DNAH6: variants seen among roughly 807,000 people sequenced by gnomAD.
DNAH6 encodes dynein axonemal heavy chain 6, also known as axonemal beta dynein heavy chain 6.
A neutral mutation model predicts 491.4 loss-of-function variants in DNAH6; 340 were observed. That is an observed-to-expected ratio of 0.69 (90% CI 0.63 to 0.76). DNAH6 has a LOEUF of 0.76. Among genes scored for constraint, DNAH6 ranks in the 30% least tolerant of loss-of-function variants. The pLI is 0.00. For synonymous variants in DNAH6, 1,603 were observed against 1,686.1 expected, an observed-to-expected ratio of 0.95 and a Z score of 1.21; for missense variants, 4,443 against 4,972.2, an observed-to-expected ratio of 0.89 and a Z score of 3.20.
chr2:84,479,069 C>T, the DNAH6 span, among the ~76,000 whole-genome samples: 10 of 152,172 alleles, frequency 6.6e-5, no homozygotes, highest in African/African-American at 9.7e-5. Context: ...TCTGATGCTA[C>T]GCCATCAAGC....
rs535075286 is a variant in DNAH6 at position 84,640,678 on chromosome 2, A to G, written c.4970+100A>G. 5 of 1,165,506 alleles carry G rather than the reference A, an allele frequency of 4.3e-6. No homozygotes were observed. The African/African-American group carries it at 6.2e-5, about 15-fold the overall frequency. The allele number at this position is 1,165,506 out of a possible 1,614,324, so 72.2% of individuals were successfully genotyped here. On this transcript the variant is annotated intron_variant, in intron 32 of 76. Coordinates refer to ENST00000389394, the MANE Select transcript of DNAH6 (RefSeq NM_001370.2). ...GGCTCTCAGAGAGTAACTGATTAAT[A>G]AATGTTGGCTGCTGCTGTTGTCATC...
intron 63 of DNAH6, among the ~76,000 whole-genome samples, chr2:84,754,489 A>G (rs563972978): frequency 6.6e-6 from 1 of 152,306 alleles, no homozygotes; most frequent in East Asian, 1.9e-4. Context: ...CCCCAACTTC[A>G]TTCTTTTGCA....
At chr2:84,538,823 T>C (rs982548029) in intron 4 of DNAH6, among the ~76,000 whole-genome samples, 1 of 152,112 alleles carries the variant, frequency 6.6e-6, no homozygotes. Context: ...TTAAAAGTAC[T>C]TTTTAGGCAG....
At position 84,800,127 on chromosome 2, in the gene DNAH6, C is replaced by T. The variant is rs532981025; in HGVS notation, c.11481+2469C>T. ...CCTGTCAAACACACTGCACAAACCT[C>T]TATGTAACCAAAGAACCCATATAGA... is the stretch of plus-strand genomic sequence containing the variant. On this transcript the variant is annotated intron_variant, in intron 70 of 76. Transcript: ENST00000389394. Among the ~76,000 whole-genome samples the T allele has an allele frequency of 3.3e-5, 5 of 152,302 alleles. No homozygotes were observed. In the South Asian group the frequency reaches 1.0e-3, roughly 32 times the overall value.
chr2:84,605,034 CAAG>C (rs1363881371), intron 19 of DNAH6, among the ~76,000 whole-genome samples: 1 of 152,016 alleles, frequency 6.6e-6, no homozygotes, highest in Non-Finnish European at 1.5e-5. Context: ...GTCATCTATC[CAAG>C]AAGAAGATTT....
chr2:84,698,402 A>G (rs1695586808), intron 47 of DNAH6, among the ~76,000 whole-genome samples: 1 of 152,230 alleles, frequency 6.6e-6, no homozygotes, highest in South Asian at 2.1e-4. Flanking sequence ...GGAAGGGCCA[A>G]AGAAAGAAAT....
At chr2:84,673,573 A>G (rs189249505) in intron 40 of DNAH6, among the ~76,000 whole-genome samples, 11 of 152,342 alleles carry the variant, frequency 7.2e-5, no homozygotes, top group Admixed American at 1.3e-4. Context: ...ATTAAGTATT[A>G]ACTCACATGA....
At chr2:84,816,542 A>T (rs372521575) in intron 76 of DNAH6, among the ~76,000 whole-genome samples, 2 of 152,242 alleles carry the variant, frequency 1.3e-5, no homozygotes, top group South Asian at 4.1e-4. Flanking sequence ...TGACCAACAT[A>T]GTGAAACCCT....
chr2:84,557,124 C>T lies in DNAH6; in HGVS notation c.1603-611C>T, dbSNP rs74398986. Among the ~76,000 whole-genome samples, 1,031 of 152,228 alleles carry T rather than the reference C, an allele frequency of 6.8e-3. 14 individuals are homozygous for T. The highest frequency in any genetic ancestry group is 0.023 in the African/African-American group (956 of 41,538). On this transcript the variant is annotated intron_variant, in intron 10 of 76. Coordinates refer to ENST00000389394, the MANE Select transcript of DNAH6 (RefSeq NM_001370.2). ...TTTGAACCCTCCCTTTAAATTTTCC[C>T]ATAGACTTCCTTGGCTTTCCTTCCA...
the DNAH6 span, among the ~76,000 whole-genome samples, chr2:84,484,156 T>C: frequency 6.6e-6 from 1 of 152,156 alleles, no homozygotes; most frequent in African/African-American, 2.4e-5. Context: ...TCTATTCCTG[T>C]CAGCGTGTCT....
intron 10 of DNAH6, among the ~76,000 whole-genome samples, chr2:84,553,366 TTTC>T (rs1342917342): frequency 2.1e-4 from 2 of 9,410 alleles, no homozygotes; most frequent in African/African-American, 7.9e-4. Context: ...TTTCTTTTCT[TTTC>T]TTTCTTTCTT....
At chr2:84,631,183 C>T (rs1688364619) in intron 29 of DNAH6, among the ~76,000 whole-genome samples, 2 of 152,148 alleles carry the variant, frequency 1.3e-5, no homozygotes, top group Non-Finnish European at 2.9e-5. Flanking sequence ...CAGACCAGGT[C>T]ACGATGCATC....
chr2:84,503,607 T>G, the DNAH6 span, among the ~76,000 whole-genome samples: 2 of 152,140 alleles, frequency 1.3e-5, no homozygotes, highest in African/African-American at 4.8e-5. Context: ...CGGCTTTCAT[T>G]TTTTTAGGAA....
At chr2:84,671,979 T>C (rs1278948966) in intron 39 of DNAH6, among the ~76,000 whole-genome samples, 1 of 152,218 alleles carries the variant, frequency 6.6e-6, no homozygotes, top group Non-Finnish European at 1.5e-5. Flanking sequence ...GGAAAGAAAA[T>C]GATGTTCCTC....
At chr2:84,593,750 A>G (rs1216687556) in intron 16 of DNAH6, among the ~76,000 whole-genome samples, 3 of 151,886 alleles carry the variant, frequency 2.0e-5, no homozygotes, top group Non-Finnish European at 4.4e-5. Context: ...AGGAAATACC[A>G]GGAGTTGTAT....
At chr2:84,552,859 A>C in intron 9 of DNAH6, 59 bp from the exon 10 acceptor site, 1 of 946,292 alleles carries the variant, frequency 1.1e-6, no homozygotes, top group Non-Finnish European at 1.6e-6. Flanking sequence ...TTGTTTTTTT[A>C]TTTTGTTTTA....
At chr2:84,630,034 A>G (rs981260331) in intron 29 of DNAH6, among the ~76,000 whole-genome samples, 1 of 152,224 alleles carries the variant, frequency 6.6e-6, no homozygotes, top group African/African-American at 2.4e-5. Context: ...ATTACCTTAG[A>G]GGTTTCCAGG....
Position 84,813,012 on chromosome 2 carries a change from T to C in DNAH6, c.11926-46T>C, listed in dbSNP as rs1191678851. ...ATAGGACTTTGCTTTAGAAAACAAA[T>C]TCCATCCCAGAAATAACGTTTATTA... On this transcript the variant is annotated intron_variant, in intron 73 of 76. Transcript: ENST00000389394. The C allele has an allele frequency of 4.7e-6, 7 of 1,495,500 alleles. No homozygotes were observed. The East Asian group carries it at 7.4e-5, about 16-fold the overall frequency. The allele number at this position is 1,495,500 out of a possible 1,614,324, so 92.6% of individuals were successfully genotyped here.
At chr2:84,739,252 A>C (rs559338974) in intron 62 of DNAH6, among the ~76,000 whole-genome samples, 7 of 152,208 alleles carry the variant, frequency 4.6e-5, no homozygotes, top group African/African-American at 1.7e-4. Context: ...CCTTTTCTCT[A>C]GGTGCCTTTA....
Sources: gnomAD v4.1 joint callset for allele counts (sites outside exome capture counted in the v4.1 genomes callset) on GRCh38, gnomAD v4.1.1 for gene constraint, MANE v1.5 for transcripts, NCBI Gene and HGNC (gene_info 2026-07-23, HGNC 2026-07-21) for gene names.